Variants in NCOA1 observed in about 807,000 individuals in gnomAD.
NCOA1 encodes nuclear receptor coactivator 1.
In NCOA1, 35 loss-of-function variants were observed where a neutral mutation model predicts 150.9. That is an observed-to-expected ratio of 0.23 (90% CI 0.18 to 0.31). The LOEUF is 0.31. Among genes scored for constraint, NCOA1 ranks in the 10% least tolerant of loss-of-function variants. The pLI is 1.00. For missense variants in NCOA1, 1,491 were observed against 1,749.3 expected, an observed-to-expected ratio of 0.85 and a Z score of 2.63; for synonymous variants, 590 against 630.0, an observed-to-expected ratio of 0.94 and a Z score of 0.95.
At position 24,742,201 on chromosome 2, in the gene NCOA1, A is replaced by G. The variant is rs746760906; in HGVS notation, c.3706+15A>G. ...TCCAGGAGCAGGTAGGAAGGTCACA[A>G]CTTTATGTTGTTCTAAGTAATCCAT... On this transcript the variant is annotated intron_variant, in intron 19 of 22. Coordinates refer to ENST00000348332, the MANE Select transcript of NCOA1 (RefSeq NM_003743.5). 1.3e-6 allele frequency: 2 copies of G among 1,596,806 alleles called. No homozygotes were observed. The highest frequency in any genetic ancestry group is 1.1e-5 in the South Asian group (1 of 87,396).
chr2:24,556,375 A>T (rs908640909), intron 1 of NCOA1, among the ~76,000 whole-genome samples: 1 of 152,252 alleles, frequency 6.6e-6, no homozygotes, highest in Non-Finnish European at 1.5e-5. Flanking sequence ...TATGTACCAC[A>T]TTTTGTTTAG....
intron 6 of NCOA1, among the ~76,000 whole-genome samples, chr2:24,666,508 A>G (rs1271018950): frequency 1.3e-5 from 2 of 152,146 alleles, no homozygotes; most frequent in African/African-American, 2.4e-5. Context: ...GAGTCAGAAG[A>G]CACAAGTTGT....
chr2:24,591,305 A>T (rs1667648051), intron 3 of NCOA1, among the ~76,000 whole-genome samples: 1 of 152,208 alleles, frequency 6.6e-6, no homozygotes, highest in Admixed American at 6.5e-5. Flanking sequence ...TAAGCAGTAT[A>T]TATGGTTGTA....
At position 24,707,749 on chromosome 2, in the gene NCOA1, T is replaced by G; in HGVS notation, c.2279T>G (p.Leu760Ter). The G allele has an allele frequency of 6.2e-7, 1 of 1,614,150 alleles. No individual in the cohort carries two copies. Residue 760 changes from leucine to a stop codon, truncating the protein, a stop_gained, in exon 13 of 23, where the codon TTA becomes TGA. Transcript: ENST00000348332. LOFTEE classifies it high-confidence loss of function. ...RYLLDKDEKD[L>*]RSTPNLSLDD... ...CTTTTAGATAAAGATGAGAAAGATT[T>G]AAGATCAACTCCAAACCTGAGCCTG...
At chr2:24,701,564 C>T (rs867004969) in intron 11 of NCOA1, among the ~76,000 whole-genome samples, 2 of 150,878 alleles carry the variant, frequency 1.3e-5, no homozygotes, top group African/African-American at 4.9e-5. Context: ...TATGATCTCA[C>T]TTTTACATAT....
At position 24,543,836 on chromosome 2, in the gene NCOA1, G is replaced by C. The variant is rs147433696; in HGVS notation, c.-395-20459G>C. Among the ~76,000 whole-genome samples, 682 of 152,156 alleles carry C rather than the reference G, an allele frequency of 4.5e-3. 3 individuals carry two copies. Among genetic ancestry groups the C allele is most frequent in the African/African-American group, 0.015 (639 of 41,546 alleles). On this transcript the variant is annotated intron_variant, in intron 1 of 22. Transcript: ENST00000348332. ...GGGCAGTTGGGCTTTATCCTGAGAG[G>C]AATGGGAATCTATTGAAATATTTTA...
At chr2:24,539,799 T>C (rs1472966155) in intron 1 of NCOA1, among the ~76,000 whole-genome samples, 1 of 152,116 alleles carries the variant, frequency 6.6e-6, no homozygotes, top group Admixed American at 6.5e-5. Flanking sequence ...ACTCATACCA[T>C]AGGTAAGAGG....
At chr2:24,713,430 G>A (rs1215965239) in intron 14 of NCOA1, among the ~76,000 whole-genome samples, 1 of 152,042 alleles carries the variant, frequency 6.6e-6, no homozygotes, top group Non-Finnish European at 1.5e-5. Context: ...TATCATTCTG[G>A]AACATGAGAG....
intron 3 of NCOA1, among the ~76,000 whole-genome samples, chr2:24,637,697 TTTTGTTTTG>T (rs1412920411): frequency 1.3e-5 from 2 of 151,294 alleles, no homozygotes; most frequent in African/African-American, 4.9e-5. Flanking sequence ...TTTTGTTTTG[TTTTGTTTTG>T]TTTTTTGAGA....
In NCOA1 at chr2:24,707,517, T is replaced by G; in HGVS notation, c.2047T>G (p.Leu683Val). The G allele has an allele frequency of 6.2e-7, 1 of 1,614,206 alleles. No homozygotes were observed. Among genetic ancestry groups the G allele is most frequent in the East Asian group, 2.2e-5 (1 of 44,882 alleles). ...TTCTTGTCCCTCTTCTCATAGCTCA[T>G]TGACAGAACGGCATAAAATTCTACA... is the stretch of plus-strand genomic sequence containing the variant. ...GGSCPSSHSS[L>V]TERHKILHRL... The change falls in exon 13 of 23, where the codon TTG becomes GTG. Residue 683 changes from leucine to valine, a missense_variant. Around this residue, in one of 8 missense-constraint regions of NCOA1, gnomAD observed 703 missense variants for 717.7 expected, o/e 0.98. Transcript: ENST00000348332.
intron 1 of NCOA1, among the ~76,000 whole-genome samples, chr2:24,562,929 A>G (rs1473056716): frequency 5.9e-5 from 9 of 152,250 alleles, no homozygotes; most frequent in Admixed American, 5.9e-4. Context: ...AGGGTTATAC[A>G]GCCAGATGGG....
intron 18 of NCOA1, among the ~76,000 whole-genome samples, chr2:24,740,392 A>G (rs1343074816): frequency 2.0e-5 from 3 of 152,236 alleles, no homozygotes; most frequent in South Asian, 2.1e-4. Flanking sequence ...GGCTATGTGT[A>G]TAGCCTATTG....
At position 24,701,058 on chromosome 2, in the gene NCOA1, G is replaced by A. The variant is rs1673134594; in HGVS notation, c.949+3260G>A. Among the ~76,000 whole-genome samples the A allele has an allele frequency of 3.9e-5, 6 of 152,126 alleles. No homozygotes were observed. The South Asian group carries it at 1.2e-3, about 32-fold the overall frequency. On this transcript the variant is annotated intron_variant, in intron 11 of 22. Transcript: ENST00000348332. ...TTTTCACAGAATACTTTTTCCTGGAGCACATCTATCAGCAGTTAGATAGTA... is the reference window on the plus strand; with the variant it reads ...TTTTCACAGAATACTTTTTCCTGGAACACATCTATCAGCAGTTAGATAGTA...
chr2:24,602,797 A>G (rs56360572), intron 3 of NCOA1, among the ~76,000 whole-genome samples: 6,483 of 152,246 alleles, frequency 0.043, 212 homozygotes, highest in African/African-American at 0.093. Flanking sequence ...AAGCAGTGTC[A>G]TGTACATCAG....
rs112036051 is a variant in NCOA1, at chr2:24,727,170, G to A, written c.2717+464G>A. Among the ~76,000 whole-genome samples, 216 of 151,170 alleles carry A rather than the reference G, an allele frequency of 1.4e-3. 2 individuals are homozygous for A. The highest frequency in any genetic ancestry group is 5.0e-3 in the African/African-American group (207 of 41,210). ...AAAAAAAAAAAAAAAAAAGGGTGGC[G>A]GGGACAAGGGAAAGACACTGAATTA... On this transcript the variant is annotated intron_variant, in intron 15 of 22. Coordinates refer to ENST00000348332, the MANE Select transcript of NCOA1 (RefSeq NM_003743.5).
chr2:24,601,052 G>A (rs1668090909), intron 3 of NCOA1, among the ~76,000 whole-genome samples: 1 of 151,342 alleles, frequency 6.6e-6, no homozygotes, highest in African/African-American at 2.4e-5. Flanking sequence ...AAAATAGAAT[G>A]TTTAAAATAT....
At chr2:24,601,104 TTA>T (rs1668093423) in intron 3 of NCOA1, among the ~76,000 whole-genome samples, 1 of 152,140 alleles carries the variant, frequency 6.6e-6, no homozygotes, top group Non-Finnish European at 1.5e-5. Context: ...TTCTATAGTT[TTA>T]GTGTTTTTTT....
chr2:24,640,306 C>CT (rs2148454554), intron 3 of NCOA1, among the ~76,000 whole-genome samples: 1 of 152,162 alleles, frequency 6.6e-6, no homozygotes, highest in African/African-American at 2.4e-5. Flanking sequence ...GTTGGATGTA[C>CT]TGTTCTACGA....
rs1342741959 is a variant in NCOA1, at chr2:24,545,543, C to T, written c.-395-18752C>T. ...CCTCCTCAAGGAAGTGGAACTTAAC[C>T]CCCCACCTCCTACCACCCCCTTGAG... On this transcript the variant is annotated intron_variant, in intron 1 of 22. Coordinates refer to ENST00000348332, the MANE Select transcript of NCOA1 (RefSeq NM_003743.5). 2.6e-5 allele frequency among the ~76,000 whole-genome samples: 4 copies of T among 152,104 alleles called. No homozygotes were observed. In the East Asian group the frequency reaches 5.8e-4, roughly 22 times the overall value.
Sources: gnomAD v4.1 joint callset for allele counts (sites outside exome capture counted in the v4.1 genomes callset) on GRCh38, gnomAD v4.1.1 for gene constraint, gnomAD v4.1.1 regional missense constraint, MANE v1.5 for transcripts, NCBI Gene and HGNC (gene_info 2026-07-23, HGNC 2026-07-21) for gene names.